The following BCL2L10 variants were observed in gnomAD, a reference collection of about 807,000 sequenced individuals.
The protein encoded by BCL2L10 is bcl-2-like protein 10.
In BCL2L10, 14 loss-of-function variants were observed where a neutral mutation model predicts 11.1. That is an observed-to-expected ratio of 1.26 (90% confidence interval 0.83 to 1.96). BCL2L10 has a LOEUF of 1.96. BCL2L10 is among the 30% of genes most tolerant of loss of function. The pLI is 0.00. For synonymous variants in BCL2L10, 154 were observed against 133.4 expected (o/e 1.15, Z -1.07); for missense variants, 309 against 273.9 (o/e 1.13, Z -0.90).
At chr15:52,111,090 A>T (rs1283687695) in intron 1 of BCL2L10, among the ~76,000 whole-genome samples, 1 of 151,562 alleles carries the variant, frequency 6.6e-6, no homozygotes, top group East Asian at 2.0e-4. Flanking sequence ...TAATCCCAGA[A>T]CTTTGGGAGG....
chr15:52,112,774 C>A lies in BCL2L10; in HGVS notation c.-48G>T. The stretch of plus-strand genomic sequence containing the variant: ...CGGGCCTTCGCTGGTTTTCTTGGCC[C>A]GGCCGCGCCTCCCCCAGGGTAGGGC... On this transcript the variant is annotated 5_prime_UTR_variant, in exon 1 of 2. Coordinates refer to ENST00000260442, the MANE Select transcript of BCL2L10 (RefSeq NM_020396.4). The A allele has an allele frequency of 1.4e-6, 2 of 1,477,306 alleles. No individual in the cohort carries two copies. The highest frequency in any genetic ancestry group is 1.3e-5 in the South Asian group (1 of 74,940). 91.5% of individuals were successfully genotyped at this position (1,477,306 alleles called of 1,614,324 possible). A position where few individuals can be genotyped will look rare whatever the true frequency, so the allele number is the denominator to read the frequency against.
intron 1 of BCL2L10, among the ~76,000 whole-genome samples, chr15:52,110,977 G>A (rs893221806): frequency 2.0e-5 from 3 of 152,088 alleles, no homozygotes; most frequent in African/African-American, 7.2e-5. Context: ...CAAGGCAGGA[G>A]TTCCTGCTAA....
rs1421030699 is a variant in BCL2L10 at position 52,109,907 on chromosome 15, C to T, written c.556G>A (p.Ala186Thr). Residue 186 changes from alanine to threonine, a missense_variant, in exon 2 of 2, where the codon GCT becomes ACT. Transcript: ENST00000260442. Reference protein sequence around the residue: ...LAFWRKQLVQAFLSCLLTTAF... With the variant: ...LAFWRKQLVQTFLSCLLTTAF... Reference sequence around the variant, plus strand: ...GTTGTTAACAAGCATGACAGAAAAGCCTGGACCAGCTGTTTTCTCCAAAAA... The same window carrying T: ...GTTGTTAACAAGCATGACAGAAAAGTCTGGACCAGCTGTTTTCTCCAAAAA... 1 of 1,613,648 alleles carries T rather than the reference C, an allele frequency of 6.2e-7. No homozygotes were observed. Among genetic ancestry groups the T allele is most frequent in the South Asian group, 1.1e-5 (1 of 91,026 alleles).
At chr15:52,110,773 T>C (rs1045886019) in intron 1 of BCL2L10, among the ~76,000 whole-genome samples, 1 of 152,110 alleles carries the variant, frequency 6.6e-6, no homozygotes, top group African/African-American at 2.4e-5. Context: ...TATTCTTTCA[T>C]CAACAGTGAT....
At position 52,112,637 on chromosome 15, in the gene BCL2L10, G is replaced by T. The variant is rs1260344047; in HGVS notation, c.90C>A (p.Cys30Ter). The T allele has an allele frequency of 1.9e-6, 3 of 1,563,032 alleles. No homozygotes were observed. The highest frequency in any genetic ancestry group is 1.9e-5 in the Admixed American group (1 of 53,970). Reference protein sequence around the residue: ...ELLLADYLGYCAREPGTPEPA... With the variant: ...ELLLADYLGY Reference sequence around the variant, plus strand: ...GCTCGGGGGTGCCGGGTTCCCGGGCGCAGTACCCCAGGTAGTCGGCCAGCA... The same window carrying T: ...GCTCGGGGGTGCCGGGTTCCCGGGCTCAGTACCCCAGGTAGTCGGCCAGCA... Residue 30 changes from cysteine (C) to a stop codon, truncating the protein, a stop_gained, in exon 1 of 2, where the codon TGC becomes TGA. Transcript: ENST00000260442. LOFTEE classifies it high-confidence loss of function.
intron 1 of BCL2L10, among the ~76,000 whole-genome samples, chr15:52,110,964 G>C (rs928810906): frequency 9.9e-5 from 15 of 152,168 alleles, no homozygotes; most frequent in Admixed American, 9.2e-4. Flanking sequence ...CTAACATTAT[G>C]AACAAGGCAG....
chr15:52,110,046 C>A, intron 1 of BCL2L10, 73 bp from the exon 2 acceptor site: 1 of 1,386,734 alleles, frequency 7.2e-7, no homozygotes, highest in Non-Finnish European at 9.8e-7. Context: ...GCAGGAACTT[C>A]CAGATTAAAC....
At chr15:52,111,545 A>C (rs1055943942) in intron 1 of BCL2L10, among the ~76,000 whole-genome samples, 2 of 152,158 alleles carry the variant, frequency 1.3e-5, no homozygotes, top group Non-Finnish European at 2.9e-5. Flanking sequence ...CAGAGCCCCC[A>C]GAGGCATGCA....
rs773165201 is a variant in BCL2L10, at chr15:52,112,559, T to C, written c.168A>G (p.Leu56=). Residue 56 remains leucine, a synonymous_variant, in exon 1 of 2, where the codon TTA becomes TTG. Transcript: ENST00000260442. ...AAVLRSAAAR[L]RQIHRSFFSA... Reference sequence around the variant, plus strand: ...AGAAAAAGGACCGGTGAATCTGCCGTAACCTGGCGGCCGCGGAGCGCAGCA... The same window carrying C: ...AGAAAAAGGACCGGTGAATCTGCCGCAACCTGGCGGCCGCGGAGCGCAGCA... The C allele has an allele frequency of 2.7e-5, 42 of 1,583,470 alleles. No individual in the cohort carries two copies. The African/African-American group carries it at 4.1e-4, about 15-fold the overall frequency.
chr15:52,111,660 G>A (rs1188949074), intron 1 of BCL2L10, among the ~76,000 whole-genome samples: 1 of 151,954 alleles, frequency 6.6e-6, no homozygotes, highest in Admixed American at 6.6e-5. Context: ...GAAAGCCAGG[G>A]GCCTAGAACG....
At chr15:52,110,035 C>G in intron 1 of BCL2L10, 62 bp from the exon 2 acceptor site, 1 of 1,463,964 alleles carries the variant, frequency 6.8e-7, no homozygotes, top group East Asian at 2.3e-5. Context: ...ACTCAAAACA[C>G]GCAGGAACTT....
Position 52,109,786 on chromosome 15 carries a change from A to G in BCL2L10, c.*62T>C, listed in dbSNP as rs749242140. ...GTGCTTTCCCTCAGTTCTTGTTCTC[A>G]CACATCTGTCATTTAGTTGGTCACA... is the stretch of plus-strand genomic sequence containing the variant. On this transcript the variant is annotated 3_prime_UTR_variant, in exon 2 of 2. Coordinates refer to ENST00000260442, the MANE Select transcript of BCL2L10 (RefSeq NM_020396.4). The G allele has an allele frequency of 5.0e-6, 8 of 1,594,404 alleles. No homozygotes were observed. In the Admixed American group the frequency reaches 1.0e-4, roughly 21 times the overall value.
At chr15:52,110,059 CAAAGT>C (rs2033031068) in intron 1 of BCL2L10, 86 bp from the exon 2 acceptor site, 20 of 1,325,540 alleles carry the variant, frequency 1.5e-5, no homozygotes, top group East Asian at 2.3e-5. Flanking sequence ...GATTAAACAG[CAAAGT>C]AAAGTTTGGA....
At position 52,109,761 on chromosome 15, in the gene BCL2L10, G is replaced by C; in HGVS notation, c.*87C>G. On this transcript the variant is annotated 3_prime_UTR_variant, in exon 2 of 2. Coordinates refer to ENST00000260442, the MANE Select transcript of BCL2L10 (RefSeq NM_020396.4). Reference sequence around the variant, plus strand: ...ATAAAAACGTCTGGGGTGGGGGAAGGTGCTTTCCCTCAGTTCTTGTTCTCA... The same window carrying C: ...ATAAAAACGTCTGGGGTGGGGGAAGCTGCTTTCCCTCAGTTCTTGTTCTCA... The C allele has an allele frequency of 6.5e-7, 1 of 1,542,312 alleles. No individual in the cohort carries two copies. The highest frequency in any genetic ancestry group is 8.8e-7 in the Non-Finnish European group (1 of 1,131,288).
chr15:52,110,726 C>A (rs546863454), intron 1 of BCL2L10, among the ~76,000 whole-genome samples: 1 of 152,326 alleles, frequency 6.6e-6, no homozygotes, highest in East Asian at 1.9e-4. Flanking sequence ...AGCCACTGCA[C>A]CCAGCCAAGA....
At chr15:52,112,211 G>T (rs2033066433) in intron 1 of BCL2L10, 27 bp downstream of exon 1, 1 of 1,462,304 alleles carries the variant, frequency 6.8e-7, no homozygotes, top group African/African-American at 1.5e-5. Context: ...GTCCCGCCCC[G>T]TGTCCCGGTG....
At chr15:52,111,451 G>C (rs1292846415) in intron 1 of BCL2L10, among the ~76,000 whole-genome samples, 2 of 152,142 alleles carry the variant, frequency 1.3e-5, no homozygotes, top group Non-Finnish European at 2.9e-5. Flanking sequence ...TTAATAGTTT[G>C]GCTATAGGTA....
Position 52,109,878 on chromosome 15 carries a change from G to A in BCL2L10, c.585C>T (p.Ala195=), listed in dbSNP as rs1253654468. The A allele has an allele frequency of 1.2e-6, 2 of 1,613,666 alleles. No homozygotes were observed. Among genetic ancestry groups the A allele is most frequent in the Non-Finnish European group, 1.7e-6 (2 of 1,179,790 alleles). The change falls in exon 2 of 2, where the codon GCC becomes GCT. Residue 195 remains alanine (A), a synonymous_variant. Coordinates refer to ENST00000260442, the MANE Select transcript of BCL2L10 (RefSeq NM_020396.4). ...QAFLSCLLTT[A]FIYLWTRLL ...ATAATCGTGTCCAGAGATAAATGAA[G>A]GCTGTTGTTAACAAGCATGACAGAA...
intron 1 of BCL2L10, among the ~76,000 whole-genome samples, chr15:52,111,444 A>T (rs182443289): frequency 2.0e-5 from 3 of 152,310 alleles, no homozygotes; most frequent in South Asian, 4.2e-4. Flanking sequence ...GCTGGTTTTA[A>T]TAGTTTGGCT....
Sources: gnomAD v4.1 joint callset for allele counts (sites outside exome capture counted in the v4.1 genomes callset) on GRCh38, gnomAD v4.1.1 for gene constraint, MANE v1.5 for transcripts, NCBI Gene and HGNC (gene_info 2026-07-23, HGNC 2026-07-21) for gene names.